PSD3: variants seen among roughly 807,000 people sequenced by gnomAD.
The protein encoded by PSD3 is PH and SEC7 domain-containing protein 3.
A neutral mutation model predicts 105.5 loss-of-function variants in PSD3; 49 were observed. That is an observed-to-expected ratio of 0.46 (90% CI 0.37 to 0.59). The LOEUF is 0.59. Ranked by LOEUF, PSD3 falls within the 20% of genes least tolerant of loss-of-function variation. PSD3 has a pLI of 0.00. For synonymous variants in PSD3, 557 were observed against 457.8 expected, an observed-to-expected ratio of 1.22 and a Z score of -2.77; for missense variants, 1,561 against 1,263.8, an observed-to-expected ratio of 1.24 and a Z score of -3.57.
At chr8:18,840,063 T>C (rs1403262555) in intron 4 of PSD3, among the ~76,000 whole-genome samples, 2 of 152,198 alleles carry the variant, frequency 1.3e-5, no homozygotes, top group Admixed American at 6.5e-5. Context: ...AGTCATTCCA[T>C]GGACCTTTAA....
rs147429544 is a variant in PSD3 at position 18,590,678 on chromosome 8, T to C, written c.2481+9686A>G. Among the ~76,000 whole-genome samples, 580 of 152,212 alleles carry C rather than the reference T, an allele frequency of 3.8e-3. 4 individuals are homozygous for C. The highest frequency in any genetic ancestry group is 0.013 in the African/African-American group (538 of 41,530). ...TGTGTGTGTGTGCAGTGTTATTTTATAAATGAAAAACTAAAAAAGAGTATG... is the reference window on the plus strand; with the variant it reads ...TGTGTGTGTGTGCAGTGTTATTTTACAAATGAAAAACTAAAAAAGAGTATG... On this transcript the variant is annotated intron_variant, in intron 12 of 15. Transcript: ENST00000327040.
At chr8:19,054,284 A>T (rs1037883654) in intron 1 of PSD3, among the ~76,000 whole-genome samples, 9 of 152,198 alleles carry the variant, frequency 5.9e-5, no homozygotes, top group African/African-American at 2.2e-4. Flanking sequence ...AATTTAAAGG[A>T]AACTGCCATT....
rs1691205314 is a variant in PSD3, at chr8:18,527,356, T to A, written c.*8387A>T. On this transcript the variant is annotated 3_prime_UTR_variant, in exon 16 of 16. Transcript: ENST00000327040. ...TCTAAAGTTTGTACATTTACATGTATCATATACATATTTTAAATCCTTCAC... is the reference window on the plus strand; with the variant it reads ...TCTAAAGTTTGTACATTTACATGTAACATATACATATTTTAAATCCTTCAC... 1 of 152,826 alleles carries A rather than the reference T, an allele frequency of 6.5e-6. No homozygotes were observed. The highest frequency in any genetic ancestry group is 2.1e-4 in the South Asian group (1 of 4,832). 9.5% of individuals were successfully genotyped at this position (152,826 alleles called of 1,614,324 possible).
At chr8:19,035,750 CT>C (rs895365452) in intron 1 of PSD3, among the ~76,000 whole-genome samples, 4 of 149,702 alleles carry the variant, frequency 2.7e-5, no homozygotes, top group Non-Finnish European at 5.9e-5. Context: ...AACAGGTATA[CT>C]TTTTTTGGGG....
chr8:18,627,809 G>GA (rs33948705), intron 11 of PSD3, among the ~76,000 whole-genome samples: 4,025 of 143,224 alleles, frequency 0.028, 155 homozygotes, highest in African/African-American at 0.092. Flanking sequence ...AAAGAAAAAG[G>GA]AAAAAAAAAC....
chr8:18,839,457 C>G (rs995162601), intron 4 of PSD3, among the ~76,000 whole-genome samples: 1 of 152,148 alleles, frequency 6.6e-6, no homozygotes, highest in East Asian at 1.9e-4. Flanking sequence ...CATGAGAACA[C>G]CTCCCATTTG....
chr8:18,774,187 T>C (rs1285517176), intron 8 of PSD3, among the ~76,000 whole-genome samples: 1 of 152,212 alleles, frequency 6.6e-6, no homozygotes, highest in Non-Finnish European at 1.5e-5. Context: ...TCCTTTAATT[T>C]TGTTTTAAAG....
chr8:18,840,853 T>C (rs1211913206), intron 4 of PSD3, among the ~76,000 whole-genome samples: 1 of 152,220 alleles, frequency 6.6e-6, no homozygotes, highest in Non-Finnish European at 1.5e-5. Flanking sequence ...AAGGGAATTC[T>C]AGTTCCAATT....
rs1801064102 is a variant in PSD3, at chr8:18,556,222, T to G, written c.2915A>C (p.Tyr972Ser). ...GGTGCAACACACCTCAAACTCCAGA[T>G]AGTGGTCTTTCAGTTTGTACTCATC... ...DVDEYKLKDH[Y>S]LEFEKTRYEM... Residue 972 changes from tyrosine to serine, a missense_variant, in exon 15 of 16, where the codon TAT becomes TCT. Physicochemically the swap from Tyr to Ser is moderately radical, Grantham distance 144 (BLOSUM62 -2). Coordinates refer to ENST00000327040, the MANE Select transcript of PSD3 (RefSeq NM_015310.4). The G allele has an allele frequency of 1.2e-6, 2 of 1,613,582 alleles. No individual in the cohort carries two copies. The highest frequency in any genetic ancestry group is 1.7e-6 in the Non-Finnish European group (2 of 1,179,824).
intron 8 of PSD3, among the ~76,000 whole-genome samples, chr8:18,788,309 G>A (rs1330329285): frequency 1.3e-5 from 2 of 152,158 alleles, no homozygotes. Context: ...GAGAGCAAAG[G>A]GGAAAATGAA....
chr8:18,934,449 C>T (rs995238144), intron 2 of PSD3, among the ~76,000 whole-genome samples: 2 of 152,066 alleles, frequency 1.3e-5, no homozygotes, highest in African/African-American at 4.8e-5. Context: ...CTCGCTCTAT[C>T]GCCCAGGCTG....
At chr8:18,979,639 G>A (rs1024064166) in intron 1 of PSD3, 4 of 155,342 alleles carry the variant, frequency 2.6e-5, no homozygotes, top group East Asian at 1.9e-4. Context: ...GTTAGAGCTC[G>A]GAGTTGAGGC....
chr8:18,823,456 C>T (rs1231760155), intron 4 of PSD3, among the ~76,000 whole-genome samples: 1 of 152,012 alleles, frequency 6.6e-6, no homozygotes, highest in African/African-American at 2.4e-5. Context: ...TGAATTCTCC[C>T]CTCCCCTTTA....
chr8:18,871,644 G>A lies in PSD3; in HGVS notation c.1220C>T (p.Pro407Leu). ...AGCTCACCTTTCCCTGTCTCTCTCTGGTTTAGGTGTCTTCTCAAGATGCTG... is the reference window on the plus strand; with the variant it reads ...AGCTCACCTTTCCCTGTCTCTCTCTAGTTTAGGTGTCTTCTCAAGATGCTG... ...NKQHLEKTPK[P>L]ERDRERISEQ... Residue 407 changes from proline (P) to leucine (L), a missense_variant, in exon 3 of 16, where the codon CCA becomes CTA. By Grantham distance (98) the Pro-to-Leu change is moderately conservative (BLOSUM62 -3). Transcript: ENST00000327040. 1.9e-6 allele frequency: 3 copies of A among 1,609,558 alleles called. No individual in the cohort carries two copies. Among genetic ancestry groups the A allele is most frequent in the Non-Finnish European group, 2.5e-6 (3 of 1,177,792 alleles).
At chr8:19,056,756 C>G (rs1477084311) in intron 1 of PSD3, among the ~76,000 whole-genome samples, 5 of 152,110 alleles carry the variant, frequency 3.3e-5, no homozygotes, top group Non-Finnish European at 7.4e-5. Context: ...CTTGCTGACC[C>G]CTTCCTTAGT....
chr8:18,546,492 C>A (rs112292000), intron 15 of PSD3, among the ~76,000 whole-genome samples: 62 of 152,170 alleles, frequency 4.1e-4, no homozygotes, highest in African/African-American at 1.5e-3. Context: ...CTGGATTGAG[C>A]TATGCTGCAG....
intron 4 of PSD3, among the ~76,000 whole-genome samples, chr8:18,842,796 C>G (rs1390951447): frequency 1.3e-5 from 2 of 152,050 alleles, no homozygotes; most frequent in African/African-American, 4.8e-5. Context: ...AAGAAGAGCT[C>G]TTCAGCAAAG....
chr8:18,567,143 T>C (rs1323369532), intron 14 of PSD3, among the ~76,000 whole-genome samples: 1 of 152,192 alleles, frequency 6.6e-6, no homozygotes, highest in Non-Finnish European at 1.5e-5. Context: ...CAGCCCTCTT[T>C]AGTTCAACTC....
intron 15 of PSD3, among the ~76,000 whole-genome samples, chr8:18,551,618 T>A (rs943630589): frequency 6.6e-6 from 1 of 152,218 alleles, no homozygotes; most frequent in Non-Finnish European, 1.5e-5. Flanking sequence ...GTGGTTGGTG[T>A]GGGCTCTAAC....
Sources: gnomAD v4.1 joint callset for allele counts (sites outside exome capture counted in the v4.1 genomes callset) on GRCh38, gnomAD v4.1.1 for gene constraint, MANE v1.5 for transcripts, NCBI Gene and HGNC (gene_info 2026-07-23, HGNC 2026-07-21) for gene names.